TTN: variants seen among roughly 807,000 people sequenced by gnomAD.
The protein encoded by TTN is connectin.
TTN carries 1,525 observed loss-of-function variants against 3,223.0 expected under a neutral mutation model. That is an observed-to-expected ratio of 0.47 (90% confidence interval 0.45 to 0.49). The LOEUF is 0.49. Ranked by LOEUF, TTN falls within the 20% of genes least tolerant of loss-of-function variation. The pLI is 0.00. For missense variants in TTN, 40,786 were observed against 43,424.0 expected (o/e 0.94, Z 5.40); for synonymous variants, 14,094 against 15,161.0 (o/e 0.93, Z 5.17).
chr2:178,795,425 T>C (rs2093714908), intron 6 of TTN, among the ~76,000 whole-genome samples, 173 bp from the exon 7 acceptor site: 1 of 152,072 alleles, frequency 6.6e-6, no homozygotes, highest in Non-Finnish European at 1.5e-5. Flanking sequence ...TAAATCTCAA[T>C]AAACCTATTC....
chr2:178,708,287 A>G (rs917010056), intron 99 of TTN, among the ~76,000 whole-genome samples: 1 of 151,550 alleles, frequency 6.6e-6, no homozygotes, highest in Non-Finnish European at 1.5e-5. Flanking sequence ...TTTATATGTG[A>G]TTTTCTCTGA....
rs747260019 is a variant in TTN, at chr2:178,664,838, A to T, written c.36118+14T>A. On this transcript the variant is annotated intron_variant, in intron 166 of 362. Coordinates refer to ENST00000589042, the MANE Select transcript of TTN (RefSeq NM_001267550.2). The stretch of plus-strand genomic sequence containing the variant: ...AGAGCTAGTTCTTGACCCTGAGAGC[A>T]TGGTGACTTGTACCTTTAACTGATG... The T allele has an allele frequency of 3.7e-6, 6 of 1,611,340 alleles. No homozygotes were observed. The highest frequency in any genetic ancestry group is 5.1e-6 in the Non-Finnish European group (6 of 1,179,336).
At position 178,539,081 on chromosome 2, in the gene TTN, T is replaced by A. The variant is rs977201230; in HGVS notation, c.98854A>T (p.Ile32952Phe). ...GTGACAGTGTACATTGTGGTGGTGATCTGAGTCTTGTTGTGTCTGACCCAC... is the reference window on the plus strand; with the variant it reads ...GTGACAGTGTACATTGTGGTGGTGAACTGAGTCTTGTTGTGTCTGACCCAC... ...DKWVRHNKTQ[I>F]TTTMYTVTGL... Residue 32952 changes from isoleucine (I) to phenylalanine (F), a missense_variant, in exon 353 of 363, where the codon ATC (isoleucine) becomes TTC (phenylalanine). Transcript: ENST00000589042. The A allele has an allele frequency of 1.9e-6, 3 of 1,613,782 alleles. No homozygotes were observed. The Admixed American group carries it at 5.0e-5, about 27-fold the overall frequency.
chr2:178,688,758 C>A lies in TTN; in HGVS notation c.32116G>T (p.Val10706Phe), dbSNP rs755302068. Residue 10706 changes from valine to phenylalanine, a missense_variant, in exon 126 of 363, where the codon GTT becomes TTT. Physicochemically the swap from Val to Phe is conservative, Grantham distance 50 (BLOSUM62 -1). Coordinates refer to ENST00000589042, the MANE Select transcript of TTN (RefSeq NM_001267550.2). Reference sequence around the variant, plus strand: ...GCAACAAATCTCTTTTCTTCTACAACAGTTTTCTTAGAGACTTCAGCTTTA... The same window carrying A: ...GCAACAAATCTCTTTTCTTCTACAAAAGTTTTCTTAGAGACTTCAGCTTTA... ...PPRAEVSKKT[V>F]VEEKRFVAEE... The A allele has an allele frequency of 2.5e-6, 4 of 1,612,592 alleles. No individual in the cohort carries two copies. In the Admixed American group the frequency reaches 6.7e-5, roughly 27 times the overall value.
In TTN at chr2:178,731,247, C is replaced by A. The variant is rs761283873; in HGVS notation, c.17462-44G>T. ...TAGATGTGGGTTGTGCATTACCCTG[C>A]TGAAAGGCTTACATCTGCATTTCTT... On this transcript the variant is annotated intron_variant, in intron 59 of 362. Transcript: ENST00000589042. 2.5e-6 allele frequency: 4 copies of A among 1,610,268 alleles called. No homozygotes were observed. In the South Asian group the frequency reaches 4.4e-5, roughly 18 times the overall value.
rs2072721432 is a variant in TTN, at chr2:178,692,540, G to C, written c.31635C>G (p.Ala10545=). 1.3e-6 allele frequency: 2 copies of C among 1,579,308 alleles called. No homozygotes were observed. The highest frequency in any genetic ancestry group is 1.9e-5 in the Admixed American group (1 of 53,990). ...LPEKPAPEEV[A]PVPIPKKVEP... ...CCACTTTTTTAGGGATAGGAACAGG[G>C]GCCACTTCTTCTGGAGCTGGTTTCT... Residue 10545 remains alanine (A), a synonymous_variant, in exon 120 of 363, where the codon GCC becomes GCG. Transcript: ENST00000589042.
In TTN at chr2:178,612,072, C is replaced by G. The variant is rs1389467681; in HGVS notation, c.50339G>C (p.Gly16780Ala). The change falls in exon 267 of 363, where the codon GGA becomes GCA. Residue 16780 changes from glycine to alanine, a missense_variant. Coordinates refer to ENST00000589042, the MANE Select transcript of TTN (RefSeq NM_001267550.2). ...LKWEPPKNDG[G>A]RPIQRYVIEK... Reference sequence around the variant, plus strand: ...CAAATTCTACCTCTGTATTGGTCTTCCACCATCATTTTTAGGTGGCTCCCA... The same window carrying G: ...CAAATTCTACCTCTGTATTGGTCTTGCACCATCATTTTTAGGTGGCTCCCA... 6.2e-7 allele frequency: 1 copy of G among 1,610,930 alleles called. No individual in the cohort carries two copies. Among genetic ancestry groups the G allele is most frequent in the Admixed American group, 1.7e-5 (1 of 59,712 alleles).
rs746288149 is a variant in TTN, at chr2:178,621,008, C to T, written c.45617-15G>A. Reference sequence around the variant, plus strand: ...CCTGAGTTTTTCTGAAAGCAACCGACAAGACTTTATAGTATGAATAATGAT... The same window carrying T: ...CCTGAGTTTTTCTGAAAGCAACCGATAAGACTTTATAGTATGAATAATGAT... On this transcript the variant is annotated splice_polypyrimidine_tract_variant and intron_variant, in intron 246 of 362. Transcript: ENST00000589042. 9.3e-6 allele frequency: 15 copies of T among 1,607,808 alleles called. No homozygotes were observed. The highest frequency in any genetic ancestry group is 1.2e-5 in the Non-Finnish European group (14 of 1,178,106).
chr2:178,566,721 C>T lies in TTN; in HGVS notation c.79411G>A (p.Glu26471Lys). ...VSAENAAGVGEPSPATVYYKA... is the reference protein window; with the variant it reads ...VSAENAAGVGKPSPATVYYKA... ...TAATAAACTGTAGCTGGACTTGGTTCCCCAACTCCAGCAGCATTTTCTGCA... is the reference window on the plus strand; with the variant it reads ...TAATAAACTGTAGCTGGACTTGGTTTCCCAACTCCAGCAGCATTTTCTGCA... Residue 26471 changes from glutamate to lysine, a missense_variant, in exon 326 of 363, where the codon GAA (glutamate) becomes AAA (lysine). Coordinates refer to ENST00000589042, the MANE Select transcript of TTN (RefSeq NM_001267550.2). The T allele has an allele frequency of 1.9e-6, 3 of 1,613,420 alleles. No individual in the cohort carries two copies. The highest frequency in any genetic ancestry group is 2.5e-6 in the Non-Finnish European group (3 of 1,179,680).
rs1559631841 is a variant in TTN at position 178,595,487 on chromosome 2, A to G, written c.57847+20T>C. The G allele has an allele frequency of 8.1e-6, 10 of 1,241,380 alleles. No individual in the cohort carries two copies. The highest frequency in any genetic ancestry group is 1.1e-5 in the Non-Finnish European group (10 of 895,442). 76.9% of individuals were successfully genotyped at this position (1,241,380 alleles called of 1,614,324 possible). A position where few individuals can be genotyped will look rare whatever the true frequency, so the allele number is the denominator to read the frequency against. On this transcript the variant is annotated intron_variant, in intron 295 of 362. Transcript: ENST00000589042. ...TGAGTAAAGAAGTGATTAAGTATAC[A>G]TTTTTTTTTTTTTACTTACTTATTG...
In TTN at chr2:178,653,225, C is replaced by G. The variant is rs377006479; in HGVS notation, c.38791+13G>C. 1 of 1,611,488 alleles carries G rather than the reference C, an allele frequency of 6.2e-7. No individual in the cohort carries two copies. On this transcript the variant is annotated intron_variant, in intron 198 of 362. Transcript: ENST00000589042. ...AATTAGATCATCTGAAGCCTAAGGT[C>G]AGTGACAAATACCTTTAACAGGTGG...
rs1559019905 is a variant in TTN, at chr2:178,532,969, T to C, written c.103646A>G (p.Lys34549Arg). The change falls in exon 358 of 363, where the codon AAG (lysine) becomes AGG (arginine). Residue 34549 changes from lysine to arginine, a missense_variant. Coordinates refer to ENST00000589042, the MANE Select transcript of TTN (RefSeq NM_001267550.2). ...TTGGTCTTCTTCTATGGTAGTCTGCTTATACTTGCGTGGCTCTGGTACATC... is the reference window on the plus strand; with the variant it reads ...TTGGTCTTCTTCTATGGTAGTCTGCCTATACTTGCGTGGCTCTGGTACATC... ...PYDVPEPRKY[K>R]QTTIEEDQRI... 6.2e-7 allele frequency: 1 copy of C among 1,613,940 alleles called. No homozygotes were observed. Among genetic ancestry groups the C allele is most frequent in the Admixed American group, 1.7e-5 (1 of 60,020 alleles).
rs775127613 is a variant in TTN, at chr2:178,650,736, C to T, written c.39709+15G>A. On this transcript the variant is annotated intron_variant, in intron 209 of 362. Coordinates refer to ENST00000589042, the MANE Select transcript of TTN (RefSeq NM_001267550.2). The stretch of plus-strand genomic sequence containing the variant: ...CGCAAGTGGCAAGGTCATTAATCAC[C>T]GGTCTCACGTGTACCTTCTGGGGGA... 18 of 1,583,042 alleles carry T rather than the reference C, an allele frequency of 1.1e-5. No homozygotes were observed. The South Asian group carries it at 1.3e-4, about 11-fold the overall frequency.
At chr2:178,685,125 A>G in intron 129 of TTN, 128 bp downstream of exon 129, 1 of 1,143,714 alleles carries the variant, frequency 8.7e-7, no homozygotes, top group Non-Finnish European at 1.3e-6. Flanking sequence ...AAATACGTTC[A>G]TACATGTGTT....
rs1288732444 is a variant in TTN, at chr2:178,564,704, T to C, written c.81428A>G (p.Tyr27143Cys). The change falls in exon 326 of 363, where the codon TAT (tyrosine) becomes TGT (cysteine). Residue 27143 changes from tyrosine to cysteine, a missense_variant. Transcript: ENST00000589042. Reference protein sequence around the residue: ...KTTGLDEGLEYEFKVSAENIV... With the variant: ...KTTGLDEGLECEFKVSAENIV... The stretch of plus-strand genomic sequence containing the variant: ...ATTTTCAGCAGAAACTTTGAACTCA[T>C]ACTCAAGGCCCTCATCAAGCCCAGT... 1 of 1,613,312 alleles carries C rather than the reference T, an allele frequency of 6.2e-7. No homozygotes were observed.
At chr2:178,649,748 A>G in intron 211 of TTN, 69 bp downstream of exon 211, 1 of 1,562,470 alleles carries the variant, frequency 6.4e-7, no homozygotes, top group Non-Finnish European at 8.8e-7. Flanking sequence ...AATACAACAC[A>G]ACACACAATA....
chr2:178,575,665 G>A lies in TTN; in HGVS notation c.70467C>T (p.Cys23489=). The A allele has an allele frequency of 1.2e-6, 2 of 1,613,562 alleles. No homozygotes were observed. The highest frequency in any genetic ancestry group is 1.7e-6 in the Non-Finnish European group (2 of 1,179,636). ...RKSYSTATTK[C]HKCTYKVTGL... is the part of the protein sequence containing the mutation. ...CGGTAACTTTATATGTGCATTTATG[G>A]CACTTAGTGGTGGCTGTGGAATAAG... The change falls in exon 326 of 363, where the codon TGC becomes TGT. Residue 23489 remains cysteine, a synonymous_variant. Coordinates refer to ENST00000589042, the MANE Select transcript of TTN (RefSeq NM_001267550.2). This position sits in a 1 kb window ranked among gnomAD's most constrained non-coding sequence, Gnocchi z 4.0.
chr2:178,769,792 A>C lies in TTN; in HGVS notation c.8789T>G (p.Val2930Gly), dbSNP rs1246031215. The C allele has an allele frequency of 1.2e-6, 2 of 1,613,948 alleles. No individual in the cohort carries two copies. Among genetic ancestry groups the C allele is most frequent in the Admixed American group, 3.3e-5 (2 of 59,974 alleles). The change falls in exon 37 of 363, where the codon GTT becomes GGT. Residue 2930 changes from valine to glycine, a missense_variant. Val to Gly is a moderately radical substitution (Grantham distance 109). Coordinates refer to ENST00000589042, the MANE Select transcript of TTN (RefSeq NM_001267550.2). ...CAGCTGATGGAGTTTTCCCTGCACA[A>C]CTATCTTGAACTTTTCACTCATCTC... Reference protein sequence around the residue: ...EIEMSEKFKIVVQGKLHQLII... With the variant: ...EIEMSEKFKIGVQGKLHQLII...
Position 178,531,621 on chromosome 2 carries a change from G to A in TTN, c.104994C>T (p.Thr34998=). 6.2e-7 allele frequency: 1 copy of A among 1,613,962 alleles called. No individual in the cohort carries two copies. The highest frequency in any genetic ancestry group is 1.1e-5 in the South Asian group (1 of 91,088). The part of the protein sequence containing the change: ...IHYTNTSGVL[T]LEILDCHTDD... ...CAGTATGACAGTCCAGAATTTCCAGGGTGAGGACTCCACTCGTGTTGGTGT... is the reference window on the plus strand; with the variant it reads ...CAGTATGACAGTCCAGAATTTCCAGAGTGAGGACTCCACTCGTGTTGGTGT... The change falls in exon 358 of 363, where the codon ACC becomes ACT. Residue 34998 remains threonine (T), a synonymous_variant. Coordinates refer to ENST00000589042, the MANE Select transcript of TTN (RefSeq NM_001267550.2).
Sources: allele counts gnomAD v4.1 joint callset (sites outside exome capture counted in the v4.1 genomes callset), GRCh38; gene constraint gnomAD v4.1.1; non-coding constraint Gnocchi (gnomAD v3.1); transcripts MANE v1.5; gene names NCBI Gene and HGNC (gene_info 2026-07-23, HGNC 2026-07-21).